Variants in CMC2 observed in about 807,000 individuals in gnomAD.
CMC2 encodes the protein COX assembly mitochondrial protein 2 homolog.
A neutral mutation model predicts 7.5 loss-of-function variants in CMC2; 5 were observed. The ratio of observed to expected loss-of-function variants is 0.66; its 90% CI spans 0.35 to 1.40. The LOEUF is 1.40. Ranked by LOEUF, CMC2 falls within the 40% of genes most tolerant of loss-of-function variation. CMC2 has a pLI of 0.04. For missense variants in CMC2, 115 were observed against 92.3 expected (o/e 1.25, Z -1.01); for synonymous variants, 37 against 31.4 (o/e 1.18, Z -0.60).
At chr16:80,986,211 T>C (rs1019921777) in intron 2 of CMC2, among the ~76,000 whole-genome samples, 1 of 152,048 alleles carries the variant, frequency 6.6e-6, no homozygotes, top group Non-Finnish European at 1.5e-5. Context: ...TAGCCAGGCA[T>C]AATGGCCTGG....
Position 80,976,160 on chromosome 16 carries a change from T to C in CMC2, c.173A>G (p.Lys58Arg), listed in dbSNP as rs868158782. The C allele has an allele frequency of 1.9e-6, 3 of 1,602,462 alleles. No homozygotes were observed. Among genetic ancestry groups the C allele is most frequent in the Middle Eastern group, 1.7e-4 (1 of 6,050 alleles). ...CATTGCAATGCCATGCTCCCTGCTC[T>C]TGGTCCTGTTTTCTACGTACTGAAA... ...LKNEYVENRT[K>R]SREHGIAMRK... The change falls in exon 4 of 4, where the codon AAG becomes AGG. Residue 58 changes from lysine (K) to arginine (R), a missense_variant. Lys to Arg is a conservative substitution (Grantham distance 26, BLOSUM62 2). Coordinates refer to ENST00000219400, the MANE Select transcript of CMC2 (RefSeq NM_020188.5).
At chr16:80,995,810 T>A (rs774328579) in intron 2 of CMC2, among the ~76,000 whole-genome samples, 1 of 152,196 alleles carries the variant, frequency 6.6e-6, no homozygotes, top group East Asian at 1.9e-4. Context: ...AGGAAACTGA[T>A]AGAAATGTTT....
chr16:80,981,206 C>G (rs1456071536), intron 3 of CMC2, among the ~76,000 whole-genome samples: 1 of 151,378 alleles, frequency 6.6e-6, no homozygotes, highest in Non-Finnish European at 1.5e-5. Flanking sequence ...AATCAAATTT[C>G]TTTTCAAAGG....
chr16:81,005,775 G>A (rs1969264572), intron 1 of CMC2, among the ~76,000 whole-genome samples: 1 of 152,164 alleles, frequency 6.6e-6, no homozygotes, highest in African/African-American at 2.4e-5. Flanking sequence ...AACATTACCA[G>A]GACTTACAAG....
rs1911755449 is a variant in CMC2, at chr16:80,969,221, C to T, written c.*6872G>A. 6.6e-6 allele frequency: 1 copy of T among 152,132 alleles called. No individual in the cohort carries two copies. The allele number at this position is 152,132 out of a possible 1,614,324, so 9.4% of individuals were successfully genotyped here. ...TTAGGTTAAAATGTAACCCTCATATCCCAAAATACAAATGAGTGAGGTGAG... is the reference window on the plus strand; with the variant it reads ...TTAGGTTAAAATGTAACCCTCATATTCCAAAATACAAATGAGTGAGGTGAG... On this transcript the variant is annotated 3_prime_UTR_variant, in exon 4 of 4. Transcript: ENST00000219400.
Position 80,976,043 on chromosome 16 carries a change from C to A in CMC2, c.*50G>T. On this transcript the variant is annotated 3_prime_UTR_variant, in exon 4 of 4. Transcript: ENST00000219400. ...AGACAGGATTCTTTCAGGTATCAAC[C>A]CAGAGTCTTTAGGTCTTCTCTCAGC... 9.7e-7 allele frequency: 1 copy of A among 1,031,252 alleles called. No individual in the cohort carries two copies. The highest frequency in any genetic ancestry group is 2.1e-4 in the Middle Eastern group (1 of 4,698). The allele number at this position is 1,031,252 out of a possible 1,614,324, so 63.9% of individuals were successfully genotyped here.
intron 3 of CMC2, among the ~76,000 whole-genome samples, chr16:80,976,637 G>A (rs1015923603): frequency 3.9e-5 from 6 of 152,104 alleles, no homozygotes; most frequent in Non-Finnish European, 5.9e-5. Flanking sequence ...TCATTCCCAA[G>A]TTTTTCATTT....
Position 80,973,235 on chromosome 16 carries a change from C to A in CMC2, c.*2858G>T, listed in dbSNP as rs1008964477. On this transcript the variant is annotated 3_prime_UTR_variant, in exon 4 of 4. Transcript: ENST00000219400. ...CTTGGGATGAGTTCTAGAGGCCTGG[C>A]CCTTCCTTCTGCCTCATATTAAGCC... 2.0e-5 allele frequency: 3 copies of A among 152,220 alleles called. No homozygotes were observed. The highest frequency in any genetic ancestry group is 4.4e-5 in the Non-Finnish European group (3 of 68,080). The allele number at this position is 152,220 out of a possible 1,614,324, so 9.4% of individuals were successfully genotyped here. A position where few individuals can be genotyped will look rare whatever the true frequency, so the allele number is the denominator to read the frequency against.
Position 80,970,667 on chromosome 16 carries a change from T to A in CMC2, c.*5426A>T, listed in dbSNP as rs1045195830. The A allele has an allele frequency of 1.6e-4, 24 of 152,184 alleles. No individual in the cohort carries two copies. The highest frequency in any genetic ancestry group is 5.8e-4 in the African/African-American group (24 of 41,430). 9.4% of individuals were successfully genotyped at this position (152,184 alleles called of 1,614,324 possible). ...TTCAAAAGTGATGTGACTGTCTACA[T>A]AGAAAAATCTAAAATAATCTATAGG... On this transcript the variant is annotated 3_prime_UTR_variant, in exon 4 of 4. Transcript: ENST00000219400.
At chr16:80,977,156 C>T (rs1912488000) in intron 3 of CMC2, among the ~76,000 whole-genome samples, 1 of 152,176 alleles carries the variant, frequency 6.6e-6, no homozygotes, top group Admixed American at 6.5e-5. Flanking sequence ...TCATCACGAA[C>T]AGTTAACAAA....
chr16:81,000,411 G>C lies in CMC2; in HGVS notation c.-35-2982C>G, dbSNP rs370205898. On this transcript the variant is annotated intron_variant, in intron 1 of 3. Coordinates refer to ENST00000219400, the MANE Select transcript of CMC2 (RefSeq NM_020188.5). ...CTCGAGAGGCTGAGGAAGGAGAATC[G>C]CTTGAACCCAGGAGGCGGAGGTTGC... Among the ~76,000 whole-genome samples, 6 of 152,236 alleles carry C rather than the reference G, an allele frequency of 3.9e-5. No individual in the cohort carries two copies. In the East Asian group the frequency reaches 7.7e-4, roughly 20 times the overall value.
intron 2 of CMC2, 41 bp from the exon 3 acceptor site, chr16:80,981,918 A>T: frequency 7.5e-7 from 1 of 1,328,620 alleles, no homozygotes; most frequent in East Asian, 2.3e-5. Flanking sequence ...ATCCCATAAT[A>T]TGCCAAGGTT....
intron 2 of CMC2, chr16:80,991,720 T>C (rs980879159): frequency 6.9e-6 from 2 of 289,260 alleles, no homozygotes; most frequent in African/African-American, 4.5e-5. Flanking sequence ...TAAATTATGT[T>C]GTAGTATGCA....
At position 80,974,807 on chromosome 16, in the gene CMC2, T is replaced by C. The variant is rs1461110698; in HGVS notation, c.*1286A>G. 2 of 152,220 alleles carry C rather than the reference T, an allele frequency of 1.3e-5. No individual in the cohort carries two copies. Among genetic ancestry groups the C allele is most frequent in the Non-Finnish European group, 2.9e-5 (2 of 68,036 alleles). The allele number at this position is 152,220 out of a possible 1,614,324, so 9.4% of individuals were successfully genotyped here. ...GGGACTGAATAAATATTCATACACT[T>C]TGTCTTGGAAGGTACTTCAGAATTA... On this transcript the variant is annotated 3_prime_UTR_variant, in exon 4 of 4. Coordinates refer to ENST00000219400, the MANE Select transcript of CMC2 (RefSeq NM_020188.5).
intron 2 of CMC2, among the ~76,000 whole-genome samples, chr16:80,994,504 A>T (rs1968254154): frequency 6.6e-6 from 1 of 152,226 alleles, no homozygotes; most frequent in South Asian, 2.1e-4. Context: ...AATGATAAAA[A>T]GAATGCTTAT....
intron 2 of CMC2, among the ~76,000 whole-genome samples, chr16:80,989,834 G>A (rs1048934295): frequency 9.2e-5 from 14 of 151,878 alleles, no homozygotes; most frequent in Admixed American, 2.0e-4. Flanking sequence ...GTCTCTTTTC[G>A]TCTACAATAT....
chr16:80,983,225 C>CA (rs34308583), intron 2 of CMC2: 24,245 of 152,222 alleles, frequency 0.16, 2,046 homozygotes, highest in East Asian at 0.21. Context: ...AGGAAACTCT[C>CA]AGACAAGTTT....
intron 3 of CMC2, among the ~76,000 whole-genome samples, chr16:80,981,267 T>C (rs187640216): frequency 1.5e-3 from 230 of 152,302 alleles, no homozygotes; most frequent in Non-Finnish European, 2.5e-3. Flanking sequence ...GACAATGAAC[T>C]GTGTACTGTG....
intron 1 of CMC2, among the ~76,000 whole-genome samples, chr16:81,003,492 C>A (rs1969017618): frequency 6.6e-6 from 1 of 152,182 alleles, no homozygotes; most frequent in African/African-American, 2.4e-5. Context: ...AAAATATGCA[C>A]TGCCCACATT....
Sources: gnomAD v4.1 joint callset for allele counts (sites outside exome capture counted in the v4.1 genomes callset) on GRCh38, gnomAD v4.1.1 for gene constraint, MANE v1.5 for transcripts, NCBI Gene and HGNC (gene_info 2026-07-23, HGNC 2026-07-21) for gene names.